Variants in CRB1 observed in about 807,000 individuals in gnomAD.
CRB1 encodes the protein protein crumbs homolog 1.
CRB1 carries 83 observed loss-of-function variants against 120.0 expected under a neutral mutation model. The observed-to-expected ratio is 0.69, with a 90% CI of 0.58 to 0.83. The LOEUF is 0.83. CRB1 is among the 40% of genes least tolerant of loss of function. The pLI is 0.00. For synonymous variants in CRB1, 625 were observed against 612.5 expected (o/e 1.02, Z -0.30); for missense variants, 1,699 against 1,687.6 (o/e 1.01, Z -0.12).
At chr1:197,477,543 T>C (rs1438274122) in intron 11 of CRB1, 121 bp from the exon 12 acceptor site, 2 of 833,186 alleles carry the variant, frequency 2.4e-6, no homozygotes, top group Middle Eastern at 2.2e-4. Flanking sequence ...TTGGTCTTTT[T>C]ACAGTACTGA....
chr1:197,269,358 T>C (rs930254005), intron 1 of CRB1, among the ~76,000 whole-genome samples: 19 of 152,308 alleles, frequency 1.2e-4, no homozygotes, highest in Admixed American at 3.9e-4. Context: ...ACCAGTGAGA[T>C]TGTTACTTGT....
chr1:197,363,522 A>G (rs571374279), intron 5 of CRB1, among the ~76,000 whole-genome samples: 41 of 152,114 alleles, frequency 2.7e-4, no homozygotes, highest in Admixed American at 4.6e-4. Flanking sequence ...AATTCTACAC[A>G]ACTTTTTTTT....
At chr1:197,231,364 G>A in the CRB1 span, among the ~76,000 whole-genome samples, 1 of 152,174 alleles carries the variant, frequency 6.6e-6, no homozygotes, top group East Asian at 1.9e-4. Flanking sequence ...TCTACCATTT[G>A]CCCACTGCCA....
intron 1 of CRB1, among the ~76,000 whole-genome samples, chr1:197,306,346 A>T (rs1657175146): frequency 6.6e-6 from 1 of 152,202 alleles, no homozygotes; most frequent in East Asian, 1.9e-4. Context: ...ATAAATTAGG[A>T]TAAAACAAAG....
intron 11 of CRB1, among the ~76,000 whole-genome samples, chr1:197,451,469 T>C (rs761882514): frequency 6.6e-6 from 1 of 152,216 alleles, no homozygotes; most frequent in Non-Finnish European, 1.5e-5. Context: ...GACCATGTTA[T>C]AGTAAAGAAA....
intron 1 of CRB1, among the ~76,000 whole-genome samples, chr1:197,274,660 G>T (rs1210573322): frequency 6.6e-6 from 1 of 152,138 alleles, no homozygotes; most frequent in Non-Finnish European, 1.5e-5. Flanking sequence ...TTTATAGGAT[G>T]CTATAAAATT....
chr1:197,313,997 A>C (rs1657699979), intron 1 of CRB1, among the ~76,000 whole-genome samples: 1 of 152,244 alleles, frequency 6.6e-6, no homozygotes, highest in Non-Finnish European at 1.5e-5. Flanking sequence ...AACCAGTTTA[A>C]AAACGCCTGG....
chr1:197,275,171 T>C (rs1356905222), intron 1 of CRB1, among the ~76,000 whole-genome samples: 5 of 152,012 alleles, frequency 3.3e-5, no homozygotes, highest in Non-Finnish European at 2.9e-5. Context: ...TCAGTCATAT[T>C]GGAGTAGATT....
At chr1:197,266,247 T>C (rs1654629289), upstream of CRB1, among the ~76,000 whole-genome samples, 1 of 152,124 alleles carries the variant, frequency 6.6e-6, no homozygotes, top group African/African-American at 2.4e-5. Flanking sequence ...TCTTATAATT[T>C]TGGAGACTGG....
chr1:197,321,946 A>G (rs1658221808), intron 1 of CRB1, among the ~76,000 whole-genome samples: 1 of 152,182 alleles, frequency 6.6e-6, no homozygotes, highest in African/African-American at 2.4e-5. Context: ...CATAAAGAAG[A>G]TAATTTAAAT....
chr1:197,239,349 CTATT>C, the CRB1 span, among the ~76,000 whole-genome samples: 1 of 151,982 alleles, frequency 6.6e-6, no homozygotes, highest in African/African-American at 2.4e-5. Flanking sequence ...ACACACTTGT[CTATT>C]TGTCTTTCAA....
At chr1:197,295,474 A>G (rs900138587) in intron 1 of CRB1, among the ~76,000 whole-genome samples, 2 of 152,048 alleles carry the variant, frequency 1.3e-5, no homozygotes, top group Admixed American at 6.6e-5. Context: ...CTTGTAGGAT[A>G]TAGATTCCGC....
intron 6 of CRB1, among the ~76,000 whole-genome samples, chr1:197,426,672 C>T (rs1664597658): frequency 6.6e-6 from 1 of 152,126 alleles, no homozygotes; most frequent in Non-Finnish European, 1.5e-5. Context: ...GGGTTTAATA[C>T]TCAGCTTTGC....
At chr1:197,308,439 C>T (rs1447856173) in intron 1 of CRB1, among the ~76,000 whole-genome samples, 1 of 152,094 alleles carries the variant, frequency 6.6e-6, no homozygotes, top group Non-Finnish European at 1.5e-5. Flanking sequence ...AAAACAAAAC[C>T]TCTCTGTTCT....
chr1:197,358,281 T>C lies in CRB1; in HGVS notation c.1171+1268T>C, dbSNP rs545202331. On this transcript the variant is annotated intron_variant, in intron 5 of 11. Transcript: ENST00000367400. ...GTGTATGCATTTTCGTCAGCTACTT[T>C]ATATTTTTCTTGGAATAAGGTGAAG... Among the ~76,000 whole-genome samples, 4 of 152,358 alleles carry C rather than the reference T, an allele frequency of 2.6e-5. No homozygotes were observed. In the South Asian group the frequency reaches 8.3e-4, roughly 32 times the overall value.
At chr1:197,252,564 ATATATATATATATATATATG>A in the CRB1 span, among the ~76,000 whole-genome samples, 6 of 43,706 alleles carry the variant, frequency 1.4e-4, no homozygotes, top group African/African-American at 3.7e-4. Flanking sequence ...ATATATATAT[ATATATATATATATATATATG>A]TGTGTGTGTG....
At chr1:197,299,529 T>A (rs768234595) in intron 1 of CRB1, among the ~76,000 whole-genome samples, 1 of 151,920 alleles carries the variant, frequency 6.6e-6, no homozygotes, top group African/African-American at 2.4e-5. Context: ...AAATCTTCAA[T>A]GTGTATGTGC....
the CRB1 span, among the ~76,000 whole-genome samples, chr1:197,222,039 A>G: frequency 6.6e-6 from 1 of 152,250 alleles, no homozygotes; most frequent in African/African-American, 2.4e-5. Context: ...AAAATATTCA[A>G]TATATACAGG....
Position 197,328,415 on chromosome 1 carries a change from C to A in CRB1, c.71-7C>A. On this transcript the variant is annotated splice_polypyrimidine_tract_variant and splice_region_variant and intron_variant, in intron 1 of 11. Coordinates refer to ENST00000367400, the MANE Select transcript of CRB1 (RefSeq NM_201253.3). The stretch of plus-strand genomic sequence containing the variant: ...ATTTAATCTTGTTACTTTTTATTTC[C>A]TTGTAGATTCCTTTTGCAATAAAAA... 1 of 1,600,914 alleles carries A rather than the reference C, an allele frequency of 6.2e-7. No homozygotes were observed. Among genetic ancestry groups the A allele is most frequent in the Non-Finnish European group, 8.6e-7 (1 of 1,169,524 alleles).
Sources: allele counts gnomAD v4.1 joint callset (sites outside exome capture counted in the v4.1 genomes callset), GRCh38; gene constraint gnomAD v4.1.1; transcripts MANE v1.5; gene names NCBI Gene and HGNC (gene_info 2026-07-23, HGNC 2026-07-21).